Variants in DLGAP1 observed in about 807,000 individuals in gnomAD.
DLGAP1 encodes disks large-associated protein 1.
Under a neutral mutation model 90.8 loss-of-function variants are expected in DLGAP1, and 11 were observed. That is an observed-to-expected ratio of 0.12 (90% CI 0.08 to 0.20). The LOEUF is 0.20. Among genes scored for constraint, DLGAP1 ranks in the 10% least tolerant of loss-of-function variants. The pLI is 1.00. For synonymous variants in DLGAP1, 558 were observed against 540.7 expected (o/e 1.03, Z -0.44); for missense variants, 1,050 against 1,333.8 (o/e 0.79, Z 3.31).
chr18:4,393,429 G>A (rs1379849797), intron 1 of DLGAP1, among the ~76,000 whole-genome samples: 2 of 152,088 alleles, frequency 1.3e-5, no homozygotes, highest in East Asian at 1.9e-4. Context: ...ACCTGGAATG[G>A]ACTCTACCTC....
chr18:4,262,433 T>C (rs2079021440), intron 1 of DLGAP1, among the ~76,000 whole-genome samples: 1 of 152,228 alleles, frequency 6.6e-6, no homozygotes, highest in Admixed American at 6.5e-5. Flanking sequence ...ACCCTTACAG[T>C]GTGCCCTTGC....
At chr18:4,110,379 G>T (rs754397044) in intron 2 of DLGAP1, among the ~76,000 whole-genome samples, 1 of 152,180 alleles carries the variant, frequency 6.6e-6, no homozygotes, top group Non-Finnish European at 1.5e-5. Flanking sequence ...TGTGGTGCGT[G>T]ACTGTCTATA....
intron 4 of DLGAP1, among the ~76,000 whole-genome samples, chr18:3,823,594 A>G (rs145172214): frequency 8.3e-4 from 126 of 152,322 alleles, no homozygotes; most frequent in African/African-American, 2.8e-3. Context: ...ACTTTGTTAT[A>G]GTAATTTTCT....
intron 10 of DLGAP1, among the ~76,000 whole-genome samples, chr18:3,533,041 C>T (rs1361138860): frequency 6.6e-6 from 1 of 152,174 alleles, no homozygotes; most frequent in East Asian, 1.9e-4. Context: ...CCTGTAATCC[C>T]AGCGCTTTGG....
At chr18:3,596,181 A>G (rs2056564829) in intron 7 of DLGAP1, among the ~76,000 whole-genome samples, 2 of 151,286 alleles carry the variant, frequency 1.3e-5, no homozygotes, top group Non-Finnish European at 2.9e-5. Context: ...TTTTTTTAAG[A>G]CCGTGTCTTA....
intron 7 of DLGAP1, chr18:3,608,160 T>A (rs2057411911): frequency 6.6e-6 from 1 of 152,138 alleles, no homozygotes; most frequent in Admixed American, 6.6e-5. Context: ...CTGTCTCTAC[T>A]AAAAATACAA....
chr18:4,430,417 T>C (rs1238058813), intron 1 of DLGAP1, among the ~76,000 whole-genome samples: 1 of 152,096 alleles, frequency 6.6e-6, no homozygotes, highest in African/African-American at 2.4e-5. Flanking sequence ...TTAATCTCTC[T>C]GGGGATATTC....
At chr18:3,911,055 C>G (rs1025741875) in intron 3 of DLGAP1, among the ~76,000 whole-genome samples, 5 of 152,068 alleles carry the variant, frequency 3.3e-5, no homozygotes, top group African/African-American at 1.2e-4. Flanking sequence ...GTTGAGAAAG[C>G]CTTAGATGAG....
At chr18:4,310,961 T>C (rs2080384498) in intron 1 of DLGAP1, among the ~76,000 whole-genome samples, 1 of 152,188 alleles carries the variant, frequency 6.6e-6, no homozygotes, top group Admixed American at 6.5e-5. Context: ...AGTAATTCTC[T>C]CTGCTGGGTT....
At chr18:4,333,161 C>G (rs1285374951) in intron 1 of DLGAP1, among the ~76,000 whole-genome samples, 3 of 151,960 alleles carry the variant, frequency 2.0e-5, no homozygotes, top group Non-Finnish European at 4.4e-5. Flanking sequence ...AGCAGTTTGT[C>G]TGGCCTGGTT....
intron 3 of DLGAP1, among the ~76,000 whole-genome samples, chr18:3,916,752 G>A (rs2072153786): frequency 1.3e-5 from 2 of 152,128 alleles, no homozygotes; most frequent in East Asian, 1.9e-4. Flanking sequence ...TAATCTAGGA[G>A]CTGATGTTTG....
intron 7 of DLGAP1, among the ~76,000 whole-genome samples, chr18:3,636,807 A>G (rs1359927442): frequency 7.0e-6 from 1 of 141,898 alleles, no homozygotes; most frequent in East Asian, 2.2e-4. Flanking sequence ...TCACTGCAAC[A>G]TCCGCCTCCC....
chr18:4,214,959 G>T (rs888253865), intron 1 of DLGAP1, among the ~76,000 whole-genome samples: 4 of 152,034 alleles, frequency 2.6e-5, no homozygotes, highest in African/African-American at 7.2e-5. Flanking sequence ...ACAATAAAAA[G>T]AACGACATTT....
intron 2 of DLGAP1, among the ~76,000 whole-genome samples, chr18:4,116,520 C>G (rs1447464551): frequency 2.0e-5 from 3 of 152,032 alleles, no homozygotes; most frequent in African/African-American, 7.2e-5. Context: ...TCTATTCTTT[C>G]AGGCACTGTT....
chr18:4,277,777 T>C (rs1040747481), intron 1 of DLGAP1, among the ~76,000 whole-genome samples: 26 of 152,280 alleles, frequency 1.7e-4, no homozygotes, highest in African/African-American at 5.8e-4. Context: ...CAAACCTATC[T>C]CCCACTGTCA....
intron 5 of DLGAP1, among the ~76,000 whole-genome samples, chr18:3,795,394 C>A (rs768527162): frequency 6.6e-5 from 10 of 152,154 alleles, no homozygotes; most frequent in Non-Finnish European, 1.0e-4. Context: ...TGGCTCACTG[C>A]AACCTCCGCC....
chr18:3,755,989 A>G (rs2063703267), intron 5 of DLGAP1, among the ~76,000 whole-genome samples: 1 of 152,234 alleles, frequency 6.6e-6, no homozygotes, highest in Non-Finnish European at 1.5e-5. Flanking sequence ...ATAGAAGTAA[A>G]CTGGAAATTA....
At chr18:4,384,044 A>C (rs2082182464) in intron 1 of DLGAP1, among the ~76,000 whole-genome samples, 1 of 152,156 alleles carries the variant, frequency 6.6e-6, no homozygotes, top group South Asian at 2.1e-4. Context: ...AAGCAATTTC[A>C]CCCTCTCAAA....
intron 3 of DLGAP1, among the ~76,000 whole-genome samples, chr18:3,893,270 T>C (rs901444236): frequency 2.0e-5 from 3 of 152,124 alleles, no homozygotes; most frequent in African/African-American, 7.2e-5. Context: ...GGTGTATATA[T>C]ACCACATTTA....
Sources: allele counts gnomAD v4.1 joint callset (sites outside exome capture counted in the v4.1 genomes callset), GRCh38; gene constraint gnomAD v4.1.1; transcripts MANE v1.5; gene names NCBI Gene and HGNC (gene_info 2026-07-23, HGNC 2026-07-21).